MYH11: variants seen among roughly 807,000 people sequenced by gnomAD.
MYH11 encodes myosin-11.
Under a neutral mutation model 246.6 loss-of-function variants are expected in MYH11, and 80 were observed. That is an observed-to-expected ratio of 0.32 (90% CI 0.27 to 0.39). The LOEUF (loss-of-function observed/expected upper bound fraction) is 0.39, where lower values mean the gene tolerates loss of function less well. MYH11 is among the 10% of genes least tolerant of loss of function. The pLI is 1.00. For synonymous variants in MYH11, 1,071 were observed against 1,015.5 expected (o/e 1.05, Z -1.04); for missense variants, 2,158 against 2,546.8 (o/e 0.85, Z 3.29).
intron 3 of MYH11, among the ~76,000 whole-genome samples, chr16:15,809,606 G>A (rs965642189): frequency 1.3e-5 from 2 of 151,896 alleles, no homozygotes; most frequent in African/African-American, 4.8e-5. Flanking sequence ...ACCGAGGGAG[G>A]TGGCTGACAC....
chr16:15,715,200 C>T lies in MYH11; in HGVS notation c.5577G>A (p.Glu1859=). Residue 1859 remains glutamate (E), a synonymous_variant, in exon 39 of 41, where the codon GAG becomes GAA. Coordinates refer to ENST00000300036, the MANE Select transcript of MYH11 (RefSeq NM_002474.3). The stretch of plus-strand genomic sequence containing the variant: ...ACTGCTCGGCCATCTTGCGCTCGTC[C>T]TCCACCTGCAGCAAGATTTCCTTCA... ...KKLKEILLQV[E]DERKMAEQYK... is the part of the protein sequence containing the mutation. 3.1e-6 allele frequency: 5 copies of T among 1,614,080 alleles called. No homozygotes were observed. The highest frequency in any genetic ancestry group is 4.2e-6 in the Non-Finnish European group (5 of 1,180,040).
At chr16:15,775,035 A>G (rs768409483) in intron 8 of MYH11, among the ~76,000 whole-genome samples, 67 of 152,244 alleles carry the variant, frequency 4.4e-4, no homozygotes, top group Middle Eastern at 3.2e-3. Context: ...AGAGATGGGA[A>G]GCAAAGTCTG....
Position 15,791,895 on chromosome 16 carries a change from G to A in MYH11, c.531-5163C>T, listed in dbSNP as rs546736739. ...TCGCTATGTTGCTCAAGCTGGTCTC[G>A]AACTCCTGGTCTCAAGTGATCTCTA... On this transcript the variant is annotated intron_variant, in intron 4 of 40. Coordinates refer to ENST00000300036, the MANE Select transcript of MYH11 (RefSeq NM_002474.3). 9 of 151,982 alleles carry A rather than the reference G, an allele frequency of 5.9e-5. No homozygotes were observed. The East Asian group carries it at 1.6e-3, about 26-fold the overall frequency. The allele number at this position is 151,982 out of a possible 1,614,324, so 9.4% of individuals were successfully genotyped here.
chr16:15,839,861 C>A (rs1196564984), intron 1 of MYH11, among the ~76,000 whole-genome samples: 1 of 151,828 alleles, frequency 6.6e-6, no homozygotes, highest in African/African-American at 2.4e-5. Flanking sequence ...AACCAGCCTG[C>A]CCAATGTGGT....
At chr16:15,707,619 G>A (rs1227066755) in intron 40 of MYH11, among the ~76,000 whole-genome samples, 1 of 152,250 alleles carries the variant, frequency 6.6e-6, no homozygotes, top group South Asian at 2.1e-4. Context: ...CTCCAAAAAT[G>A]AAGATGGACA....
At chr16:15,726,710 C>G in intron 28 of MYH11, 138 bp downstream of exon 28, 1 of 1,002,468 alleles carries the variant, frequency 1.0e-6, no homozygotes, top group East Asian at 2.6e-5. Flanking sequence ...AGATCATCGC[C>G]TCTCCTCCAG....
At position 15,806,357 on chromosome 16, in the gene MYH11, A is replaced by G. The variant is rs576406907; in HGVS notation, c.503-7670T>C. The stretch of plus-strand genomic sequence containing the variant: ...GGTCACATATGATTCCATTTATATG[A>G]AATGTCCAGAATAGGCAAATCCATA... On this transcript the variant is annotated intron_variant, in intron 3 of 40. Coordinates refer to ENST00000300036, the MANE Select transcript of MYH11 (RefSeq NM_002474.3). Among the ~76,000 whole-genome samples the G allele has an allele frequency of 6.7e-5, 10 of 150,152 alleles. No homozygotes were observed. In the East Asian group the frequency reaches 2.0e-3, roughly 30 times the overall value.
intron 8 of MYH11, among the ~76,000 whole-genome samples, chr16:15,774,617 T>G (rs1230132392): frequency 6.6e-6 from 1 of 152,110 alleles, no homozygotes; most frequent in Non-Finnish European, 1.5e-5. Flanking sequence ...TGAGACAGAG[T>G]CTCACTCTAT....
At chr16:15,758,791 C>T (rs936075418) in intron 12 of MYH11, among the ~76,000 whole-genome samples, 10 of 150,004 alleles carry the variant, frequency 6.7e-5, no homozygotes, top group African/African-American at 2.2e-4. Context: ...CAGAGCGAGA[C>T]TCTGTCTAAA....
At chr16:15,832,054 C>T (rs2043754842) in intron 2 of MYH11, among the ~76,000 whole-genome samples, 1 of 152,146 alleles carries the variant, frequency 6.6e-6, no homozygotes, top group Non-Finnish European at 1.5e-5. Context: ...CAGGAGGCCT[C>T]TGTTCACAAT....
intron 2 of MYH11, among the ~76,000 whole-genome samples, chr16:15,832,741 C>T (rs2043773631): frequency 6.6e-6 from 1 of 152,036 alleles, no homozygotes; most frequent in African/African-American, 2.4e-5. Flanking sequence ...TACCTCAAAG[C>T]TAACAAGGCC....
At chr16:15,767,889 C>T (rs1309564495) in intron 9 of MYH11, among the ~76,000 whole-genome samples, 1 of 151,506 alleles carries the variant, frequency 6.6e-6, no homozygotes, top group Non-Finnish European at 1.5e-5. Context: ...CTCAGTGCCT[C>T]CAGGAGGAAC....
At chr16:15,770,829 G>A (rs112740394) in intron 9 of MYH11, among the ~76,000 whole-genome samples, 233 of 152,138 alleles carry the variant, frequency 1.5e-3, no homozygotes, top group African/African-American at 4.3e-3. Flanking sequence ...TCTGTTCTTT[G>A]GACATAAACC....
intron 7 of MYH11, among the ~76,000 whole-genome samples, chr16:15,777,659 C>T (rs372455629): frequency 6.6e-6 from 1 of 152,248 alleles, no homozygotes; most frequent in Non-Finnish European, 1.5e-5. Context: ...GGATGGGAAT[C>T]CTGGCTGGTT....
At chr16:15,721,296 C>T (rs1596720427) in intron 32 of MYH11, 126 bp downstream of exon 32, 3 of 1,191,926 alleles carry the variant, frequency 2.5e-6, no homozygotes, top group Non-Finnish European at 3.6e-6. Context: ...GTCCAAAAAC[C>T]TCCTTCCATT....
At chr16:15,784,072 C>T (rs901906144) in intron 5 of MYH11, among the ~76,000 whole-genome samples, 9 of 152,102 alleles carry the variant, frequency 5.9e-5, no homozygotes, top group African/African-American at 1.4e-4. Flanking sequence ...TTATGCGTTG[C>T]GTAGCTGGGG....
chr16:15,750,190 C>A lies in MYH11; in HGVS notation c.2006G>T (p.Arg669Leu), dbSNP rs760656490. The change falls in exon 16 of 41, where the codon CGC (arginine) becomes CTC (leucine). Residue 669 changes from arginine to leucine, a missense_variant. Arg to Leu is a moderately radical substitution (Grantham distance 102). This residue lies in a region of MYH11 where 317 missense variants were observed against 507.7 expected (regional missense o/e 0.62). Coordinates refer to ENST00000300036, the MANE Select transcript of MYH11 (RefSeq NM_002474.3). The surrounding 1 kb of genome is among the most constrained non-coding windows in gnomAD (Gnocchi z 4.3). ...EQLGKLMTTLRNTTPNFVRCI... is the reference protein window; with the variant it reads ...EQLGKLMTTLLNTTPNFVRCI... ...GCGCACGAAGTTGGGCGTGGTGTTG[C>A]GTAGCGTGGTCATCAGCTTGCCCAG... 6.2e-7 allele frequency: 1 copy of A among 1,614,218 alleles called. No homozygotes were observed. Among genetic ancestry groups the A allele is most frequent in the Non-Finnish European group, 8.5e-7 (1 of 1,180,040 alleles).
intron 2 of MYH11, among the ~76,000 whole-genome samples, chr16:15,824,699 G>A (rs544815451): frequency 7.2e-5 from 11 of 152,310 alleles, no homozygotes; most frequent in African/African-American, 2.2e-4. Context: ...CTGTGGTCCA[G>A]GAGGGAGGGA....
intron 9 of MYH11, among the ~76,000 whole-genome samples, chr16:15,771,220 G>A (rs927625583): frequency 7.9e-5 from 12 of 151,582 alleles, no homozygotes; most frequent in Admixed American, 3.9e-4. Context: ...GGTTGGTCTC[G>A]AACTCCTGAC....
Sources: gnomAD v4.1 joint callset for allele counts (sites outside exome capture counted in the v4.1 genomes callset) on GRCh38, gnomAD v4.1.1 for gene constraint, gnomAD v4.1.1 regional missense constraint, Gnocchi (gnomAD v3.1) non-coding constraint, MANE v1.5 for transcripts, NCBI Gene and HGNC (gene_info 2026-07-23, HGNC 2026-07-21) for gene names.